Variants in FOXK1 observed in about 807,000 individuals in gnomAD.
FOXK1 encodes forkhead box protein K1.
FOXK1 carries 19 observed loss-of-function variants against 51.9 expected under a neutral mutation model. That is an observed-to-expected ratio of 0.37 (90% CI 0.26 to 0.54). The LOEUF is 0.54. FOXK1 is among the 20% of genes least tolerant of loss of function. FOXK1 has a pLI of 0.87. For missense variants in FOXK1, 870 were observed against 1,032.7 expected (o/e 0.84, Z 2.16); for synonymous variants, 537 against 482.6 (o/e 1.11, Z -1.48).
Position 4,767,127 on chromosome 7 carries a change from G to A in FOXK1, c.*4663G>A, listed in dbSNP as rs1054544482. On this transcript the variant is annotated 3_prime_UTR_variant, in exon 9 of 9. Coordinates refer to ENST00000328914, the MANE Select transcript of FOXK1 (RefSeq NM_001037165.2). The surrounding 1 kb of genome is among the most constrained non-coding windows in gnomAD (Gnocchi z 6.6). ...TTTGCCCTTGAGTGACTTCATGCGGGATGAGGAACTGTTGACCCCTCTAGA... is the reference window on the plus strand; with the variant it reads ...TTTGCCCTTGAGTGACTTCATGCGGAATGAGGAACTGTTGACCCCTCTAGA... 1 of 152,220 alleles carries A rather than the reference G, an allele frequency of 6.6e-6. No homozygotes were observed. The highest frequency in any genetic ancestry group is 6.5e-5 in the Admixed American group (1 of 15,280). The allele number at this position is 152,220 out of a possible 1,614,324, so 9.4% of individuals were successfully genotyped here.
rs1392105010 is a variant in FOXK1 at position 4,733,753 on chromosome 7, T to G, written c.561-7085T>G. 6.6e-6 allele frequency among the ~76,000 whole-genome samples: 1 copy of G among 152,232 alleles called. No homozygotes were observed. Among genetic ancestry groups the G allele is most frequent in the Non-Finnish European group, 1.5e-5 (1 of 68,038 alleles). ...AACCGGCCTGGCGTCTTCTGGCCCTTGCTCTTGGGTCTGCTGTTTCTCTCA... is the reference window on the plus strand; with the variant it reads ...AACCGGCCTGGCGTCTTCTGGCCCTGGCTCTTGGGTCTGCTGTTTCTCTCA... On this transcript the variant is annotated intron_variant, in intron 1 of 8. Transcript: ENST00000328914. The surrounding 1 kb of genome is among the most constrained non-coding windows in gnomAD (Gnocchi z 5.0).
intron 2 of FOXK1, among the ~76,000 whole-genome samples, chr7:4,751,181 A>G (rs1030182838): frequency 6.6e-6 from 1 of 150,442 alleles, no homozygotes; most frequent in Non-Finnish European, 1.5e-5. Flanking sequence ...TGCCCGGCTA[A>G]TTTTTTGTAT....
Position 4,729,270 on chromosome 7 carries a change from G to C in FOXK1, c.561-11568G>C, listed in dbSNP as rs1780419299. 6.6e-6 allele frequency among the ~76,000 whole-genome samples: 1 copy of C among 152,198 alleles called. No homozygotes were observed. Among genetic ancestry groups the C allele is most frequent in the South Asian group, 2.1e-4 (1 of 4,838 alleles). On this transcript the variant is annotated intron_variant, in intron 1 of 8. Coordinates refer to ENST00000328914, the MANE Select transcript of FOXK1 (RefSeq NM_001037165.2). This position sits in a 1 kb window ranked among gnomAD's most constrained non-coding sequence, Gnocchi z 6.2. ...GCTTTCTCCTGGGCCAGGCAGGGTT[G>C]TCTGGGGAGTGGAACGTCTGCTAGA...
chr7:4,740,004 A>G (rs1780611109), intron 1 of FOXK1, among the ~76,000 whole-genome samples: 2 of 152,198 alleles, frequency 1.3e-5, no homozygotes, highest in Admixed American at 6.5e-5. Context: ...CAGTAGAAAG[A>G]CAACTGACGG....
At position 4,729,281 on chromosome 7, in the gene FOXK1, G is replaced by A. The variant is rs1023303488; in HGVS notation, c.561-11557G>A. On this transcript the variant is annotated intron_variant, in intron 1 of 8. Coordinates refer to ENST00000328914, the MANE Select transcript of FOXK1 (RefSeq NM_001037165.2). The surrounding 1 kb of genome is among the most constrained non-coding windows in gnomAD (Gnocchi z 6.2). ...GGCCAGGCAGGGTTGTCTGGGGAGT[G>A]GAACGTCTGCTAGAAATGCAGATCG... 2.0e-5 allele frequency among the ~76,000 whole-genome samples: 3 copies of A among 152,180 alleles called. No homozygotes were observed. Among genetic ancestry groups the A allele is most frequent in the Non-Finnish European group, 2.9e-5 (2 of 68,032 alleles).
Position 4,757,164 on chromosome 7 carries a change from C to A in FOXK1, c.1221C>A (p.Thr407=), listed in dbSNP as rs745444517. The A allele has an allele frequency of 4.3e-6, 7 of 1,609,398 alleles. No homozygotes were observed. The highest frequency in any genetic ancestry group is 4.1e-4 in the Middle Eastern group (2 of 4,896). ...AGAGGGGTGTCTCCTGCTTCCGCAC[C>A]CCCTTCGGGCCTCTGTCCTCAAGGT... The part of the protein sequence containing the change: ...RRQRGVSCFR[T]PFGPLSSRSA... Residue 407 remains threonine (T), a synonymous_variant, in exon 5 of 9, where the codon ACC becomes ACA. Coordinates refer to ENST00000328914, the MANE Select transcript of FOXK1 (RefSeq NM_001037165.2).
At chr7:4,687,019 G>A (rs1248505098) in intron 1 of FOXK1, among the ~76,000 whole-genome samples, 1 of 150,140 alleles carries the variant, frequency 6.7e-6, no homozygotes, top group African/African-American at 2.5e-5. Context: ...CGCAAGCTCC[G>A]CCTCCCGGGT....
intron 1 of FOXK1, among the ~76,000 whole-genome samples, chr7:4,724,094 C>G (rs1242702485): frequency 6.6e-6 from 1 of 152,228 alleles, no homozygotes; most frequent in African/African-American, 2.4e-5. Flanking sequence ...CATAGCAGCT[C>G]TTGGTGCTCT....
chr7:4,706,206 A>G (rs1261743833), intron 1 of FOXK1, among the ~76,000 whole-genome samples: 1 of 152,048 alleles, frequency 6.6e-6, no homozygotes, highest in Admixed American at 6.6e-5. Context: ...TTCCATTTAA[A>G]GAGATCTATA....
intron 1 of FOXK1, among the ~76,000 whole-genome samples, chr7:4,685,970 A>G (rs989181142): frequency 6.6e-6 from 1 of 151,970 alleles, no homozygotes. Flanking sequence ...AAAAAAAAAA[A>G]CCAAAAAACG....
At chr7:4,746,865 G>T (rs1780709153) in intron 2 of FOXK1, among the ~76,000 whole-genome samples, 1 of 152,184 alleles carries the variant, frequency 6.6e-6, no homozygotes. Context: ...CTCTTCCCTT[G>T]TCTGCCTGTC....
At chr7:4,698,136 T>C (rs1454689319) in intron 1 of FOXK1, among the ~76,000 whole-genome samples, 1 of 152,132 alleles carries the variant, frequency 6.6e-6, no homozygotes, top group Non-Finnish European at 1.5e-5. Flanking sequence ...TAATTTGTTA[T>C]TAAAATTTTA....
chr7:4,723,094 G>A lies in FOXK1; in HGVS notation c.561-17744G>A, dbSNP rs1039520656. Among the ~76,000 whole-genome samples the A allele has an allele frequency of 6.6e-6, 1 of 152,000 alleles. No individual in the cohort carries two copies. The highest frequency in any genetic ancestry group is 1.5e-5 in the Non-Finnish European group (1 of 68,016). ...AACCCGTCTTCCCAAGCCTGTTGAC[G>A]ATGATGGTAACGGCACCGTGCTCAC... On this transcript the variant is annotated intron_variant, in intron 1 of 8. Transcript: ENST00000328914. This position sits in a 1 kb window ranked among gnomAD's most constrained non-coding sequence, Gnocchi z 4.7.
At chr7:4,696,961 G>A (rs564606387) in intron 1 of FOXK1, among the ~76,000 whole-genome samples, 2 of 152,268 alleles carry the variant, frequency 1.3e-5, no homozygotes, top group Admixed American at 6.5e-5. Flanking sequence ...CCAGCTACAC[G>A]GGAGACAGAG....
chr7:4,727,201 T>C (rs1011434391), intron 1 of FOXK1, among the ~76,000 whole-genome samples: 1 of 152,126 alleles, frequency 6.6e-6, no homozygotes, highest in Non-Finnish European at 1.5e-5. Flanking sequence ...ATCCTCCCAC[T>C]TTGGCCTCTC....
Position 4,757,145 on chromosome 7 carries a change from G to C in FOXK1, c.1202G>C (p.Gly401Ala). The part of the protein sequence containing the change: ...EQAFRKRRQR[G>A]VSCFRTPFGP... ...GCATTCCGGAAACGGAGGCAGAGGG[G>C]TGTCTCCTGCTTCCGCACCCCCTTC... Residue 401 changes from glycine to alanine, a missense_variant, in exon 5 of 9, where the codon GGT (glycine) becomes GCT (alanine). Gly to Ala is a moderately conservative substitution (Grantham distance 60). Coordinates refer to ENST00000328914, the MANE Select transcript of FOXK1 (RefSeq NM_001037165.2). 1.2e-6 allele frequency: 2 copies of C among 1,612,656 alleles called. No homozygotes were observed. Among genetic ancestry groups the C allele is most frequent in the South Asian group, 1.1e-5 (1 of 91,028 alleles).
chr7:4,706,527 G>C (rs146768736), intron 1 of FOXK1, among the ~76,000 whole-genome samples: 1 of 152,056 alleles, frequency 6.6e-6, no homozygotes, highest in Non-Finnish European at 1.5e-5. Context: ...AGCATGGCTG[G>C]GTGTCTGTGG....
chr7:4,709,361 C>A lies in FOXK1; in HGVS notation c.560+26493C>A, dbSNP rs751040398. The stretch of plus-strand genomic sequence containing the variant: ...TCCCAGTGTCACGTTGCTGCGTCCA[C>A]GAGCCTGGCTTCCGCTTCCATTCTC... On this transcript the variant is annotated intron_variant, in intron 1 of 8. Transcript: ENST00000328914. The surrounding 1 kb of genome is among the most constrained non-coding windows in gnomAD (Gnocchi z 5.6). 6.6e-6 allele frequency among the ~76,000 whole-genome samples: 1 copy of A among 152,208 alleles called. No individual in the cohort carries two copies. The highest frequency in any genetic ancestry group is 2.4e-5 in the African/African-American group (1 of 41,450).
intron 1 of FOXK1, among the ~76,000 whole-genome samples, chr7:4,737,569 T>TGTGTGTGTGC (rs879705379): frequency 0.012 from 1,776 of 152,084 alleles, 92 homozygotes; most frequent in Admixed American, 0.096. Flanking sequence ...TGTGTGTGTG[T>TGTGTGTGTGC]GTGTGCATGC....
Sources: allele counts gnomAD v4.1 joint callset (sites outside exome capture counted in the v4.1 genomes callset), GRCh38; gene constraint gnomAD v4.1.1; non-coding constraint Gnocchi (gnomAD v3.1); transcripts MANE v1.5; gene names NCBI Gene and HGNC (gene_info 2026-07-23, HGNC 2026-07-21).